DENND5A: variants seen among roughly 807,000 people sequenced by gnomAD.
DENND5A encodes the protein DENN domain-containing protein 5A.
In DENND5A, 64 loss-of-function variants were observed where a neutral mutation model predicts 140.3. The ratio of observed to expected loss-of-function variants is 0.46; its 90% CI spans 0.37 to 0.56. The LOEUF is 0.56. Among genes scored for constraint, DENND5A ranks in the 20% least tolerant of loss-of-function variants. DENND5A has a pLI of 0.00. For synonymous variants in DENND5A, 605 were observed against 607.7 expected (o/e 1.00, Z 0.07); for missense variants, 1,292 against 1,593.8 (o/e 0.81, Z 3.22).
intron 5 of DENND5A, among the ~76,000 whole-genome samples, chr11:9,190,726 T>C (rs951276406): frequency 2.0e-5 from 3 of 152,216 alleles, no homozygotes; most frequent in Non-Finnish European, 4.4e-5. Flanking sequence ...ACTTTAAAGA[T>C]GTGCATCAAA....
chr11:9,170,576 A>G, intron 9 of DENND5A, 51 bp downstream of exon 9: 2 of 1,601,210 alleles, frequency 1.2e-6, no homozygotes, highest in South Asian at 1.1e-5. Context: ...ATACTAGATG[A>G]CCCTATTACA....
intron 17 of DENND5A, chr11:9,145,400 G>C (rs1177657741): frequency 1.7e-6 from 1 of 579,754 alleles, no homozygotes; most frequent in East Asian, 2.8e-5. Flanking sequence ...GTAGCTGAAA[G>C]AACTCCTGGG....
At chr11:9,217,449 G>C (rs542217292) in intron 1 of DENND5A, among the ~76,000 whole-genome samples, 1 of 150,820 alleles carries the variant, frequency 6.6e-6, no homozygotes, top group South Asian at 2.1e-4. Context: ...AGGAGGCAGA[G>C]GGTGCAGTGA....
chr11:9,261,981 A>G (rs1852222705), intron 1 of DENND5A, among the ~76,000 whole-genome samples: 1 of 152,142 alleles, frequency 6.6e-6, no homozygotes, highest in South Asian at 2.1e-4. Context: ...CACATTTTAT[A>G]CAACTCATCC....
chr11:9,229,115 G>A (rs558587104), intron 1 of DENND5A, among the ~76,000 whole-genome samples: 2 of 152,152 alleles, frequency 1.3e-5, no homozygotes, highest in African/African-American at 2.4e-5. Context: ...TAGGCAGTTA[G>A]TGTCAGAATT....
At chr11:9,211,526 A>C (rs1849878242) in intron 1 of DENND5A, among the ~76,000 whole-genome samples, 1 of 152,198 alleles carries the variant, frequency 6.6e-6, no homozygotes, top group African/African-American at 2.4e-5. Context: ...AAACAGGAAA[A>C]TATGACCCAT....
intron 4 of DENND5A, among the ~76,000 whole-genome samples, chr11:9,201,547 G>A (rs1355087143): frequency 6.6e-6 from 1 of 152,118 alleles, no homozygotes; most frequent in South Asian, 2.1e-4. Context: ...GTGCATGCCT[G>A]TAGTTCCAGC....
At chr11:9,250,352 G>A (rs1246567100) in intron 1 of DENND5A, among the ~76,000 whole-genome samples, 1 of 151,932 alleles carries the variant, frequency 6.6e-6, no homozygotes, top group African/African-American at 2.4e-5. Flanking sequence ...GATAAAGAGT[G>A]GGGAAAGAGG....
chr11:9,207,027 C>T (rs1849712842), intron 2 of DENND5A: 1 of 508,048 alleles, frequency 2.0e-6, no homozygotes, highest in South Asian at 2.4e-5. Flanking sequence ...AATGAAATTA[C>T]TACTCAAACC....
At chr11:9,173,160 G>T (rs771374682) in intron 8 of DENND5A, among the ~76,000 whole-genome samples, 10 of 151,816 alleles carry the variant, frequency 6.6e-5, no homozygotes, top group Non-Finnish European at 7.4e-5. Context: ...AAAGGAAAAA[G>T]CTATTAACCT....
chr11:9,257,520 T>C (rs1851998074), intron 1 of DENND5A, among the ~76,000 whole-genome samples: 5 of 147,274 alleles, frequency 3.4e-5, no homozygotes, highest in South Asian at 2.2e-4. Context: ...CTCACACTGT[T>C]GCCCAGGCTG....
intron 3 of DENND5A, among the ~76,000 whole-genome samples, chr11:9,206,340 C>T (rs1849690843): frequency 6.6e-6 from 1 of 152,064 alleles, no homozygotes; most frequent in Admixed American, 6.5e-5. Flanking sequence ...TGAAAGAAAA[C>T]AATTTTAAAC....
rs1359855243 is a variant in DENND5A at position 9,193,645 on chromosome 11, G to A, written c.986C>T (p.Thr329Ile). Reference protein sequence around the residue: ...QRLMTVAETITALMFPFQWQH... With the variant: ...QRLMTVAETIIALMFPFQWQH... The stretch of plus-strand genomic sequence containing the variant: ...CCACTGGAAAGGAAACATGAGAGCT[G>A]TAATCGTCTCCGCCACAGTCATCAG... Residue 329 changes from threonine (T) to isoleucine (I), a missense_variant, in exon 5 of 23, where the codon ACA becomes ATA. Around this residue, in one of 4 missense-constraint regions of DENND5A, gnomAD observed 566 missense variants for 650.4 expected, o/e 0.87. Coordinates refer to ENST00000328194, the MANE Select transcript of DENND5A (RefSeq NM_015213.4). 1.2e-6 allele frequency: 2 copies of A among 1,613,798 alleles called. No homozygotes were observed. The highest frequency in any genetic ancestry group is 2.2e-5 in the South Asian group (2 of 90,998).
At chr11:9,147,846 A>G (rs1054153030) in intron 15 of DENND5A, among the ~76,000 whole-genome samples, 34 of 152,326 alleles carry the variant, frequency 2.2e-4, no homozygotes, top group Admixed American at 1.4e-3. Flanking sequence ...CCCCAAATAG[A>G]GGAGACACCC....
At chr11:9,247,269 G>C (rs1476708863) in intron 1 of DENND5A, among the ~76,000 whole-genome samples, 1 of 151,794 alleles carries the variant, frequency 6.6e-6, no homozygotes, top group East Asian at 1.9e-4. Flanking sequence ...AAGCCACTGG[G>C]GAGGCCAGGA....
intron 1 of DENND5A, among the ~76,000 whole-genome samples, chr11:9,239,023 G>A (rs1048964443): frequency 6.6e-6 from 1 of 150,934 alleles, no homozygotes; most frequent in Non-Finnish European, 1.5e-5. Context: ...GTAGAGACCA[G>A]GTTTCACCAT....
rs149972517 is a variant in DENND5A at position 9,198,366 on chromosome 11, G to A, written c.950-4685C>T. The stretch of plus-strand genomic sequence containing the variant: ...GCAGTGGCTCACACCTGTAATCCCA[G>A]CACTTTGAGGCCGAGGCGGGTGGAT... On this transcript the variant is annotated intron_variant, in intron 4 of 22. Coordinates refer to ENST00000328194, the MANE Select transcript of DENND5A (RefSeq NM_015213.4). 1.1e-3 allele frequency among the ~76,000 whole-genome samples: 170 copies of A among 151,236 alleles called. 1 individual carries two copies. The highest frequency in any genetic ancestry group is 3.9e-3 in the African/African-American group (159 of 41,244).
At chr11:9,145,903 G>A in intron 16 of DENND5A, 88 bp from the exon 17 acceptor site, 13 of 1,420,156 alleles carry the variant, frequency 9.2e-6, no homozygotes, top group Non-Finnish European at 1.2e-5. Flanking sequence ...AGGAAGGCTG[G>A]CACAACTGTG....
At chr11:9,230,065 C>T (rs984846501) in intron 1 of DENND5A, among the ~76,000 whole-genome samples, 1 of 150,904 alleles carries the variant, frequency 6.6e-6, no homozygotes, top group Non-Finnish European at 1.5e-5. Context: ...CCTGCCACCA[C>T]GTCCAGCTAA....
Sources: allele counts gnomAD v4.1 joint callset (sites outside exome capture counted in the v4.1 genomes callset), GRCh38; gene constraint gnomAD v4.1.1; regional missense constraint gnomAD v4.1.1; transcripts MANE v1.5; gene names NCBI Gene and HGNC (gene_info 2026-07-23, HGNC 2026-07-21).